CDH8: variants seen among roughly 807,000 people sequenced by gnomAD.
The protein encoded by CDH8 is cadherin-8.
Under a neutral mutation model 68.1 loss-of-function variants are expected in CDH8, and 17 were observed. That is an observed-to-expected ratio of 0.25 (90% CI 0.17 to 0.37). CDH8 has a LOEUF of 0.37. Ranked by LOEUF, CDH8 falls within the 10% of genes least tolerant of loss-of-function variation. The pLI is 1.00. For synonymous variants in CDH8, 372 were observed against 365.1 expected, an observed-to-expected ratio of 1.02 and a Z score of -0.21; for missense variants, 763 against 999.3, an observed-to-expected ratio of 0.76 and a Z score of 3.19.
intron 10 of CDH8, among the ~76,000 whole-genome samples, chr16:61,677,877 C>A (rs1963944087): frequency 6.6e-6 from 1 of 151,898 alleles, no homozygotes; most frequent in African/African-American, 2.4e-5. Context: ...CTCATCATAC[C>A]CTCCTCCCTT....
In CDH8 at chr16:61,768,398, T is replaced by TTCTCTCTCTCTCTC. The variant is rs530131371; in HGVS notation, c.1414+20934_1414+20947dup. ...TCTCTCTCTCTCTCTCTCTCTCCCTTTCTCTCTCTCTCTCTCTCTCTCTCT... is the reference window on the plus strand; with the variant it reads ...TCTCTCTCTCTCTCTCTCTCTCCCTTTCTCTCTCTCTCTCTCTCTCTCTCTCTCTCTCTCTCTCT... On this transcript the variant is annotated intron_variant, in intron 8 of 11. Transcript: ENST00000577390. Among the ~76,000 whole-genome samples, 109 of 35,200 alleles carry TTCTCTCTCTCTCTC rather than the reference T, an allele frequency of 3.1e-3. 1 individual carries two copies. Among genetic ancestry groups the TTCTCTCTCTCTCTC allele is most frequent in the South Asian group, 6.5e-3 (5 of 764 alleles). The allele number at this position is 35,200 out of a possible 152,430, so 23.1% of individuals were successfully genotyped here.
intron 4 of CDH8, among the ~76,000 whole-genome samples, chr16:61,828,807 C>T (rs914380976): frequency 5.9e-5 from 9 of 151,806 alleles, no homozygotes; most frequent in African/African-American, 1.9e-4. Context: ...TTATTAAACT[C>T]ATCCAAACTC....
intron 2 of CDH8, among the ~76,000 whole-genome samples, chr16:61,999,124 G>A (rs1031372953): frequency 1.3e-5 from 2 of 152,164 alleles, no homozygotes; most frequent in Non-Finnish European, 2.9e-5. Flanking sequence ...GGATAATAAA[G>A]AGAGTAGCTT....
At chr16:61,818,943 T>C (rs1411635291) in intron 6 of CDH8, among the ~76,000 whole-genome samples, 1 of 151,322 alleles carries the variant, frequency 6.6e-6, no homozygotes, top group African/African-American at 2.4e-5. Context: ...TCCTTTTTTT[T>C]TTTTTTTTTC....
intron 8 of CDH8, among the ~76,000 whole-genome samples, chr16:61,746,528 A>T (rs1235820796): frequency 4.0e-5 from 6 of 150,032 alleles, no homozygotes; most frequent in Non-Finnish European, 5.9e-5. Flanking sequence ...ACCATCATAG[A>T]CGTAAAGAAA....
rs980651046 is a variant in CDH8, at chr16:61,919,493, A to G, written c.253-18020T>C. 4.7e-5 allele frequency among the ~76,000 whole-genome samples: 7 copies of G among 147,746 alleles called. No individual in the cohort carries two copies. The Admixed American group carries it at 4.8e-4, about 10-fold the overall frequency. ...AAAGGAGCTGATGGAGCTGAAAACC[A>G]AGGCTCGAGAACTACATGAAGAATG... On this transcript the variant is annotated intron_variant, in intron 2 of 11. Coordinates refer to ENST00000577390, the MANE Select transcript of CDH8 (RefSeq NM_001796.5).
chr16:61,808,754 C>T (rs1961866302), intron 7 of CDH8, among the ~76,000 whole-genome samples: 1 of 152,164 alleles, frequency 6.6e-6, no homozygotes, highest in African/African-American at 2.4e-5. Context: ...ATTCAAACTT[C>T]CAACAGTCTT....
At chr16:62,035,984 G>T (rs912948219) in intron 1 of CDH8, 96 bp downstream of exon 1, 1 of 152,470 alleles carries the variant, frequency 6.6e-6, no homozygotes, top group Non-Finnish European at 1.5e-5. Context: ...AGGCGCGCAA[G>T]GTGTCCGAAG....
chr16:61,782,713 T>G (rs1961109000), intron 8 of CDH8, among the ~76,000 whole-genome samples: 1 of 152,148 alleles, frequency 6.6e-6, no homozygotes, highest in African/African-American at 2.4e-5. Context: ...AAGAGAGCAG[T>G]GGGTCTCCCA....
chr16:61,736,714 A>G (rs1192085435), intron 8 of CDH8, among the ~76,000 whole-genome samples: 1 of 152,206 alleles, frequency 6.6e-6, no homozygotes, highest in East Asian at 1.9e-4. Flanking sequence ...CTTGTATCTA[A>G]ATTAATGAAA....
At chr16:61,962,325 G>A (rs1445074355) in intron 2 of CDH8, among the ~76,000 whole-genome samples, 2 of 152,200 alleles carry the variant, frequency 1.3e-5, no homozygotes, top group Admixed American at 1.3e-4. Context: ...ACCCTCAGAT[G>A]AGGTACAGCA....
intron 10 of CDH8, among the ~76,000 whole-genome samples, chr16:61,706,576 G>C (rs779468152): frequency 2.2e-5 from 3 of 136,796 alleles, no homozygotes; most frequent in Non-Finnish European, 4.6e-5. Context: ...AGCCGAGATC[G>C]CGCCACCGCA....
At chr16:61,981,463 T>C (rs1000497798) in intron 2 of CDH8, among the ~76,000 whole-genome samples, 2 of 152,326 alleles carry the variant, frequency 1.3e-5, no homozygotes, top group African/African-American at 4.8e-5. Context: ...CATGGATTTC[T>C]ATACTCACCA....
intron 3 of CDH8, among the ~76,000 whole-genome samples, chr16:61,888,460 A>G (rs1301826943): frequency 1.3e-5 from 2 of 152,258 alleles, no homozygotes; most frequent in Admixed American, 6.5e-5. Flanking sequence ...TCTAATCCCT[A>G]TAATAACTCT....
intron 2 of CDH8, among the ~76,000 whole-genome samples, chr16:61,974,363 G>C (rs1224825552): frequency 1.3e-5 from 2 of 152,168 alleles, no homozygotes; most frequent in African/African-American, 4.8e-5. Flanking sequence ...GGGAAGAGGG[G>C]TTTGAATATA....
At chr16:61,995,353 C>A (rs1376442056) in intron 2 of CDH8, among the ~76,000 whole-genome samples, 3 of 152,090 alleles carry the variant, frequency 2.0e-5, no homozygotes, top group African/African-American at 7.2e-5. Context: ...ATCGGCCTGT[C>A]TGGGGAGCAG....
chr16:62,016,035 A>G (rs10500459), intron 2 of CDH8, among the ~76,000 whole-genome samples: 11,148 of 152,164 alleles, frequency 0.073, 1,021 homozygotes, highest in African/African-American at 0.22. Flanking sequence ...AGCCTTGAAC[A>G]TGCTATTTCC....
chr16:61,830,006 T>C (rs559143703), intron 4 of CDH8, among the ~76,000 whole-genome samples: 2 of 152,036 alleles, frequency 1.3e-5, no homozygotes, highest in African/African-American at 4.8e-5. Context: ...CTATTCACAA[T>C]GTATTTCACT....
intron 10 of CDH8, among the ~76,000 whole-genome samples, chr16:61,657,702 G>T (rs1288773075): frequency 2.0e-5 from 3 of 152,062 alleles, no homozygotes; most frequent in Non-Finnish European, 4.4e-5. Context: ...ACAAAAGATA[G>T]AATTTGTTCT....
Sources: allele counts gnomAD v4.1 joint callset (sites outside exome capture counted in the v4.1 genomes callset), GRCh38; gene constraint gnomAD v4.1.1; transcripts MANE v1.5; gene names NCBI Gene and HGNC (gene_info 2026-07-23, HGNC 2026-07-21).